Variants in ADAMTS17 observed in about 807,000 individuals in gnomAD.
The protein encoded by ADAMTS17 is ADAM metallopeptidase with thrombospondin type 1 motif 17, also known as A disintegrin and metalloproteinase with thrombospondin motifs 17.
In ADAMTS17, 113 loss-of-function variants were observed where a neutral mutation model predicts 141.5. That is an observed-to-expected ratio of 0.80 (90% CI 0.69 to 0.93). ADAMTS17 has a LOEUF of 0.93. ADAMTS17 is among the 40% of genes least tolerant of loss of function. ADAMTS17 has a pLI of 0.00. For missense variants in ADAMTS17, 1,659 were observed against 1,517.9 expected (o/e 1.09, Z -1.54); for synonymous variants, 768 against 630.6 (o/e 1.22, Z -3.27).
chr15:100,185,322 T>G (rs570522646), intron 8 of ADAMTS17, among the ~76,000 whole-genome samples: 16 of 151,914 alleles, frequency 1.1e-4, no homozygotes, highest in African/African-American at 2.9e-4. Context: ...ACCTGTGAGA[T>G]CTACCACTGC....
chr15:100,247,059 A>AT lies in ADAMTS17; in HGVS notation c.1075+7076dup, dbSNP rs201690607. Among the ~76,000 whole-genome samples the AT allele has an allele frequency of 5.9e-3, 892 of 151,286 alleles. 10 individuals carry two copies. Among genetic ancestry groups the AT allele is most frequent in the African/African-American group, 0.02 (843 of 41,254 alleles). On this transcript the variant is annotated intron_variant, in intron 7 of 21. Transcript: ENST00000268070. ...CCACCACACCCGGATAATTTTTTGT[A>AT]TTTTTTTTGTAGGGACAGGGTTTTG...
At chr15:100,005,129 C>T (rs1394229089) in intron 18 of ADAMTS17, among the ~76,000 whole-genome samples, 2 of 152,200 alleles carry the variant, frequency 1.3e-5, no homozygotes, top group Non-Finnish European at 2.9e-5. Flanking sequence ...GATCCTCCTG[C>T]GACTCTGCTT....
In ADAMTS17 at chr15:100,341,848, G is replaced by A. The variant is rs977411535; in HGVS notation, c.52C>T (p.Leu18=). Residue 18 remains leucine, a synonymous_variant, in exon 1 of 22, where the codon CTG becomes TTG. Coordinates refer to ENST00000268070, the MANE Select transcript of ADAMTS17 (RefSeq NM_139057.4). The stretch of plus-strand genomic sequence containing the variant: ...GTGCCCGGGTCCAGTCCCCAAACCA[G>A]CAGCAGCAGCACGGGCAGGACGAGC... The part of the protein sequence containing the change: ...PPLVLPVLLL[L]VWGLDPGTAV... The A allele has an allele frequency of 3.2e-6, 5 of 1,549,640 alleles. No homozygotes were observed. Among genetic ancestry groups the A allele is most frequent in the Non-Finnish European group, 4.4e-6 (5 of 1,146,274 alleles).
At chr15:100,258,352 C>A (rs995442541) in intron 6 of ADAMTS17, among the ~76,000 whole-genome samples, 2 of 152,216 alleles carry the variant, frequency 1.3e-5, no homozygotes, top group African/African-American at 4.8e-5. Flanking sequence ...CAGAAGAGTT[C>A]AAATTTCTCC....
intron 15 of ADAMTS17, among the ~76,000 whole-genome samples, chr15:100,069,411 T>A (rs1030040481): frequency 6.6e-6 from 1 of 151,968 alleles, no homozygotes; most frequent in Non-Finnish European, 1.5e-5. Context: ...AGATACTCCT[T>A]GAGAAGAGTA....
At chr15:100,080,332 C>A (rs897315802) in intron 15 of ADAMTS17, among the ~76,000 whole-genome samples, 8 of 152,166 alleles carry the variant, frequency 5.3e-5, no homozygotes, top group African/African-American at 1.9e-4. Flanking sequence ...ACAGTGTTGA[C>A]TGGGGTGACT....
chr15:99,989,347 C>T (rs1234866342), intron 20 of ADAMTS17, among the ~76,000 whole-genome samples: 1 of 152,226 alleles, frequency 6.6e-6, no homozygotes, highest in Non-Finnish European at 1.5e-5. Flanking sequence ...TCCACTCCTG[C>T]CCCGGACCCC....
intron 20 of ADAMTS17, among the ~76,000 whole-genome samples, chr15:99,981,463 C>T (rs2060480949): frequency 6.6e-6 from 1 of 152,214 alleles, no homozygotes; most frequent in Admixed American, 6.5e-5. Flanking sequence ...AGCTGGAGTC[C>T]TAGTGGGCAC....
At chr15:100,020,011 T>G (rs2061372915) in intron 18 of ADAMTS17, among the ~76,000 whole-genome samples, 1 of 138,572 alleles carries the variant, frequency 7.2e-6, no homozygotes, top group Non-Finnish European at 1.6e-5. Flanking sequence ...AAAAAAAGAC[T>G]CCCAAAGCAT....
chr15:100,111,175 G>A (rs986801817), intron 13 of ADAMTS17, among the ~76,000 whole-genome samples: 3 of 152,148 alleles, frequency 2.0e-5, no homozygotes, highest in Admixed American at 6.5e-5. Flanking sequence ...CTCACACAAG[G>A]CACTCTGGGG....
At chr15:100,209,541 A>C (rs542777839) in intron 7 of ADAMTS17, among the ~76,000 whole-genome samples, 1 of 152,320 alleles carries the variant, frequency 6.6e-6, no homozygotes, top group South Asian at 2.1e-4. Context: ...GCCCAGGGGA[A>C]GCCCTAGGAC....
At chr15:100,276,558 A>G (rs1021294998) in intron 4 of ADAMTS17, among the ~76,000 whole-genome samples, 1 of 151,418 alleles carries the variant, frequency 6.6e-6, no homozygotes, top group Non-Finnish European at 1.5e-5. Context: ...AGCACGAATC[A>G]TGCTATTTCC....
chr15:100,123,228 T>C (rs1478944550), intron 12 of ADAMTS17, among the ~76,000 whole-genome samples: 1 of 152,148 alleles, frequency 6.6e-6, no homozygotes, highest in East Asian at 1.9e-4. Context: ...ACAGTCTCAG[T>C]AGTAGAGGGC....
Position 100,276,835 on chromosome 15 carries a change from A to T in ADAMTS17, c.789+4394T>A, listed in dbSNP as rs367766301. On this transcript the variant is annotated intron_variant, in intron 4 of 21. Transcript: ENST00000268070. The stretch of plus-strand genomic sequence containing the variant: ...CTTGCTAACGGAAAGCCCTTTTCTA[A>T]AACAGCCGCAGGCAGGAAAGAACTC... 3.3e-5 allele frequency among the ~76,000 whole-genome samples: 5 copies of T among 152,298 alleles called. No individual in the cohort carries two copies. The East Asian group carries it at 5.8e-4, about 18-fold the overall frequency.
chr15:100,236,144 A>G (rs1179083936), intron 7 of ADAMTS17, among the ~76,000 whole-genome samples: 2 of 152,210 alleles, frequency 1.3e-5, no homozygotes, highest in African/African-American at 2.4e-5. Flanking sequence ...AAGAGAACAC[A>G]GGAAGTAACT....
In ADAMTS17 at chr15:99,971,504, T is replaced by C. The variant is rs1029933898; in HGVS notation, c.*2898A>G. Reference sequence around the variant, plus strand: ...CAATGAAATGATTAATTTTTCTATATAATTTTCATGTATAATGGCGTCCAA... The same window carrying C: ...CAATGAAATGATTAATTTTTCTATACAATTTTCATGTATAATGGCGTCCAA... On this transcript the variant is annotated 3_prime_UTR_variant, in exon 22 of 22. Coordinates refer to ENST00000268070, the MANE Select transcript of ADAMTS17 (RefSeq NM_139057.4). The C allele has an allele frequency of 1.3e-5, 2 of 152,260 alleles. No homozygotes were observed. The highest frequency in any genetic ancestry group is 4.8e-5 in the African/African-American group (2 of 41,482). The allele number at this position is 152,260 out of a possible 1,614,324, so 9.4% of individuals were successfully genotyped here.
intron 15 of ADAMTS17, among the ~76,000 whole-genome samples, chr15:100,074,572 T>C (rs1195402495): frequency 6.6e-6 from 1 of 152,076 alleles, no homozygotes; most frequent in Non-Finnish European, 1.5e-5. Context: ...CATCTCAGAA[T>C]AAACCTCACT....
At chr15:100,244,636 T>C (rs1377405695) in intron 7 of ADAMTS17, among the ~76,000 whole-genome samples, 2 of 152,012 alleles carry the variant, frequency 1.3e-5, no homozygotes, top group African/African-American at 2.4e-5. Flanking sequence ...GCCTTCATCA[T>C]GGAGAGGAAG....
chr15:100,054,138 T>C lies in ADAMTS17; in HGVS notation c.2138-84A>G, dbSNP rs1205572463. 6.7e-6 allele frequency: 10 copies of C among 1,486,908 alleles called. No individual in the cohort carries two copies. In the East Asian group the frequency reaches 1.8e-4, roughly 27 times the overall value. The allele number at this position is 1,486,908 out of a possible 1,614,324, so 92.1% of individuals were successfully genotyped here. A position where few individuals can be genotyped will look rare whatever the true frequency, so the allele number is the denominator to read the frequency against. On this transcript the variant is annotated intron_variant, in intron 15 of 21. Transcript: ENST00000268070. ...GTCTTTAAACGGAATCTACAGCCCC[T>C]GAGTGGGGCAGAGGTCTCCCTTCCA...
Sources: gnomAD v4.1 joint callset for allele counts (sites outside exome capture counted in the v4.1 genomes callset) on GRCh38, gnomAD v4.1.1 for gene constraint, MANE v1.5 for transcripts, NCBI Gene and HGNC (gene_info 2026-07-23, HGNC 2026-07-21) for gene names.